The following DRICH1 variants were observed in gnomAD, a reference collection of about 807,000 sequenced individuals.
The protein encoded by DRICH1 is aspartate-rich protein 1.
DRICH1 carries 38 observed loss-of-function variants against 39.5 expected under a neutral mutation model. That is an observed-to-expected ratio of 0.96 (90% confidence interval 0.74 to 1.26). The LOEUF is 1.26. Among genes scored for constraint, DRICH1 ranks in the 50% most tolerant of loss-of-function variants. DRICH1 has a pLI of 0.00. For missense variants in DRICH1, 279 were observed against 270.4 expected, an observed-to-expected ratio of 1.03 and a Z score of -0.22; for synonymous variants, 84 against 99.5, an observed-to-expected ratio of 0.84 and a Z score of 0.93.
the DRICH1 span, among the ~76,000 whole-genome samples, chr22:23,597,173 T>G: frequency 2.5e-4 from 36 of 143,188 alleles, no homozygotes; most frequent in East Asian, 6.2e-3. Context: ...CCTTCTTTCC[T>G]TCCTCCCTCC....
At chr22:23,596,969 G>C in the DRICH1 span, among the ~76,000 whole-genome samples, 1 of 151,174 alleles carries the variant, frequency 6.6e-6, no homozygotes, top group East Asian at 1.9e-4. Flanking sequence ...TTGCGAAGCT[G>C]TCTGTTTCTC....
Position 23,622,111 on chromosome 22 carries a change from C to T in DRICH1, c.364G>A (p.Asp122Asn), listed in dbSNP as rs1927777183. 1.2e-6 allele frequency: 2 copies of T among 1,613,692 alleles called. No individual in the cohort carries two copies. The highest frequency in any genetic ancestry group is 1.7e-6 in the Non-Finnish European group (2 of 1,179,746). ...CTTACCTGGGCATCATCATCATCAT[C>T]ATCATCACAGTCATCATCTTCACTT... The part of the protein sequence containing the change: ...PRSEDDDCDD[D>N]DDDDAQILPS... Residue 122 changes from aspartate to asparagine, a missense_variant, in exon 4 of 12, where the codon GAT becomes AAT. Physicochemically the swap from Asp to Asn is conservative, Grantham distance 23. Transcript: ENST00000317749.
rs7290222 is a variant in DRICH1, at chr22:23,615,422, T to C, written c.542-1208A>G. On this transcript the variant is annotated intron_variant, in intron 8 of 11. Transcript: ENST00000317749. ...TTTGATACCTATTCATTCAGACATA[T>C]AAAATATTGGTATAAGAAACCAAAA... Among the ~76,000 whole-genome samples the C allele has an allele frequency of 8.1e-3, 1,234 of 152,296 alleles. 15 individuals carry two copies. The highest frequency in any genetic ancestry group is 0.027 in the African/African-American group (1,123 of 41,570).
chr22:23,625,691 A>G (rs1030893839), intron 2 of DRICH1, among the ~76,000 whole-genome samples: 1 of 152,138 alleles, frequency 6.6e-6, no homozygotes, highest in African/African-American at 2.4e-5. Flanking sequence ...ATAAAAAAAA[A>G]TACCTAAAGC....
chr22:23,618,801 T>A (rs1051386552), intron 6 of DRICH1, among the ~76,000 whole-genome samples: 1 of 151,756 alleles, frequency 6.6e-6, no homozygotes, highest in Non-Finnish European at 1.5e-5. Flanking sequence ...AGTACGGGGG[T>A]GATTTTTGGT....
intron 1 of DRICH1, among the ~76,000 whole-genome samples, chr22:23,628,553 G>A (rs1928207534): frequency 1.3e-5 from 2 of 152,162 alleles, no homozygotes; most frequent in Admixed American, 1.3e-4. Context: ...CTGGGCAACA[G>A]AGTGAGACTC....
At chr22:23,607,679 C>G (rs538365919), downstream of DRICH1, among the ~76,000 whole-genome samples, 1 of 152,286 alleles carries the variant, frequency 6.6e-6, no homozygotes, top group South Asian at 2.1e-4. Context: ...CAGGCCCCAT[C>G]CCCGCCCCAT....
chr22:23,618,291 T>C (rs1415095605), intron 6 of DRICH1, among the ~76,000 whole-genome samples: 3 of 151,902 alleles, frequency 2.0e-5, no homozygotes, highest in Non-Finnish European at 2.9e-5. Flanking sequence ...TTTTTTTGTA[T>C]TTTTAGTGGA....
At chr22:23,606,368 C>T (rs17002792), downstream of DRICH1, among the ~76,000 whole-genome samples, 1,983 of 152,294 alleles carry the variant, frequency 0.013, 51 homozygotes, top group East Asian at 0.09. Flanking sequence ...CATTGTACTT[C>T]TCCCAGTACC....
chr22:23,625,730 C>T (rs554355868), intron 2 of DRICH1, among the ~76,000 whole-genome samples: 6 of 152,086 alleles, frequency 3.9e-5, no homozygotes, highest in East Asian at 3.9e-4. Context: ...GTGTGACACC[C>T]GGGAAGATTG....
At chr22:23,601,230 TACC>T in the DRICH1 span, among the ~76,000 whole-genome samples, 2 of 151,880 alleles carry the variant, frequency 1.3e-5, no homozygotes, top group African/African-American at 4.8e-5. Flanking sequence ...CACATGGTGA[TACC>T]TTCATAAATG....
chr22:23,603,006 C>CTT, the DRICH1 span, among the ~76,000 whole-genome samples: 84 of 130,012 alleles, frequency 6.5e-4, 2 homozygotes, highest in African/African-American at 1.8e-3. Flanking sequence ...AACACATTTA[C>CTT]TTTTTTTTTT....
chr22:23,606,785 G>A (rs1309154364), downstream of DRICH1, among the ~76,000 whole-genome samples: 2 of 152,158 alleles, frequency 1.3e-5, no homozygotes, highest in East Asian at 1.9e-4. Flanking sequence ...AGATGCCAGC[G>A]ACCAAAGGCT....
At chr22:23,586,981 ATC>A in the DRICH1 span, among the ~76,000 whole-genome samples, 1 of 152,016 alleles carries the variant, frequency 6.6e-6, no homozygotes, top group South Asian at 2.1e-4. Context: ...ATCTTTTTCC[ATC>A]TGTTTACTTT....
the DRICH1 span, among the ~76,000 whole-genome samples, chr22:23,593,892 C>T: frequency 1.0e-4 from 15 of 150,496 alleles, no homozygotes; most frequent in Non-Finnish European, 1.9e-4. Context: ...GGAGGAGAAT[C>T]GCTTGAACCC....
At chr22:23,612,896 T>C (rs1927124690) in intron 11 of DRICH1, among the ~76,000 whole-genome samples, 1 of 152,202 alleles carries the variant, frequency 6.6e-6, no homozygotes, top group African/African-American at 2.4e-5. Context: ...ACTGTTTCTC[T>C]AGGTTCCAGG....
At chr22:23,597,447 G>A in the DRICH1 span, among the ~76,000 whole-genome samples, 1 of 133,744 alleles carries the variant, frequency 7.5e-6, no homozygotes. Context: ...AGGCTGCAGT[G>A]AGCCATGATC....
At chr22:23,590,278 A>ATTT in the DRICH1 span, among the ~76,000 whole-genome samples, 6 of 137,528 alleles carry the variant, frequency 4.4e-5, no homozygotes, top group Non-Finnish European at 7.8e-5. Context: ...CAGCCCTTTG[A>ATTT]TTTTTTTTTT....
At chr22:23,628,664 G>A (rs929658875) in intron 1 of DRICH1, among the ~76,000 whole-genome samples, 1 of 152,158 alleles carries the variant, frequency 6.6e-6, no homozygotes, top group Non-Finnish European at 1.5e-5. Context: ...TCCATAAGAG[G>A]TGAAAAAGAA....
Sources: gnomAD v4.1 joint callset for allele counts (sites outside exome capture counted in the v4.1 genomes callset) on GRCh38, gnomAD v4.1.1 for gene constraint, MANE v1.5 for transcripts, NCBI Gene and HGNC (gene_info 2026-07-23, HGNC 2026-07-21) for gene names.